Variants in NFIB observed in about 807,000 individuals in gnomAD.
NFIB encodes the protein nuclear factor I B, also known as nuclear factor 1 B-type.
In NFIB, 11 loss-of-function variants were observed where a neutral mutation model predicts 61.5. The observed-to-expected ratio is 0.18, with a 90% confidence interval of 0.11 to 0.30. The LOEUF is 0.30. Ranked by LOEUF, NFIB falls within the 10% of genes least tolerant of loss-of-function variation. The pLI is 1.00. For missense variants in NFIB, 471 were observed against 608.9 expected (o/e 0.77, Z 2.38); for synonymous variants, 260 against 216.5 (o/e 1.20, Z -1.76).
At chr9:14,526,711 C>T in the NFIB span, among the ~76,000 whole-genome samples, 1 of 152,164 alleles carries the variant, frequency 6.6e-6, no homozygotes, top group Non-Finnish European at 1.5e-5. Flanking sequence ...TAGTGATTGA[C>T]ATCATTCAGC....
At chr9:14,460,586 C>T in the NFIB span, among the ~76,000 whole-genome samples, 1 of 152,026 alleles carries the variant, frequency 6.6e-6, no homozygotes, top group Middle Eastern at 3.4e-3. Flanking sequence ...AGAAAAACAC[C>T]CACACACAAA....
chr9:14,210,997 T>C (rs184755553), intron 2 of NFIB, among the ~76,000 whole-genome samples: 50 of 152,352 alleles, frequency 3.3e-4, no homozygotes, highest in Non-Finnish European at 1.8e-4. Context: ...CTTCTCTGTA[T>C]ACATGATCAT....
At chr9:14,229,500 A>C (rs2052854644) in intron 2 of NFIB, among the ~76,000 whole-genome samples, 1 of 152,222 alleles carries the variant, frequency 6.6e-6, no homozygotes, top group African/African-American at 2.4e-5. Context: ...CTGGCTCCTA[A>C]ATATAAACTG....
chr9:14,343,491 A>AT (rs1193485570), intron 1 of NFIB, among the ~76,000 whole-genome samples: 2 of 152,108 alleles, frequency 1.3e-5, no homozygotes, highest in Non-Finnish European at 2.9e-5. Context: ...CAAAGGGTTT[A>AT]TTAAAAAAAA....
chr9:14,443,297 T>C, the NFIB span, among the ~76,000 whole-genome samples: 2 of 152,072 alleles, frequency 1.3e-5, no homozygotes, highest in Admixed American at 6.5e-5. Context: ...TTACTTCCTA[T>C]AGATGGGCTT....
chr9:14,394,186 C>T (rs2061656265), intron 1 of NFIB, among the ~76,000 whole-genome samples: 1 of 152,026 alleles, frequency 6.6e-6, no homozygotes, highest in African/African-American at 2.4e-5. Flanking sequence ...GGAAAAACAG[C>T]CAAATAAATA....
At chr9:14,194,430 A>C (rs1435587083) in intron 2 of NFIB, among the ~76,000 whole-genome samples, 1 of 152,180 alleles carries the variant, frequency 6.6e-6, no homozygotes, top group Non-Finnish European at 1.5e-5. Context: ...TTTTCTCGTA[A>C]TGGCAGGTAG....
intron 2 of NFIB, among the ~76,000 whole-genome samples, chr9:14,279,496 A>T (rs992140084): frequency 1.3e-5 from 2 of 152,190 alleles, no homozygotes; most frequent in Non-Finnish European, 2.9e-5. Context: ...TGCTCCATAG[A>T]GAAGGCAGGT....
At chr9:14,311,325 C>G (rs1247062012) in intron 1 of NFIB, among the ~76,000 whole-genome samples, 1 of 152,048 alleles carries the variant, frequency 6.6e-6, no homozygotes, top group Non-Finnish European at 1.5e-5. Flanking sequence ...TGTTTTTCTA[C>G]AGCTACTAGG....
intron 2 of NFIB, among the ~76,000 whole-genome samples, chr9:14,268,175 T>A (rs1405983340): frequency 6.6e-6 from 1 of 151,590 alleles, no homozygotes; most frequent in Non-Finnish European, 1.5e-5. Flanking sequence ...AAGACAAAGA[T>A]AATATTTTAC....
intron 5 of NFIB, among the ~76,000 whole-genome samples, chr9:14,149,060 AGCAGACAGAATTTAAAAATTACT>A (rs1457041092): frequency 6.6e-6 from 1 of 151,860 alleles, no homozygotes; most frequent in East Asian, 1.9e-4. Flanking sequence ...ACAGTGATTT[AGCAGACAGAATTTAAAAATTACT>A]GCTCACATTT....
chr9:14,230,454 T>C (rs2052984359), intron 2 of NFIB, among the ~76,000 whole-genome samples: 1 of 152,182 alleles, frequency 6.6e-6, no homozygotes, highest in Non-Finnish European at 1.5e-5. Flanking sequence ...GAATGGAATG[T>C]CAAGGAAGAC....
At chr9:14,457,322 A>T in the NFIB span, among the ~76,000 whole-genome samples, 10 of 152,292 alleles carry the variant, frequency 6.6e-5, no homozygotes, top group African/African-American at 9.6e-5. Context: ...AATTAAATTT[A>T]AAAAAATGAT....
chr9:14,330,145 C>G (rs2060804203), intron 1 of NFIB, among the ~76,000 whole-genome samples: 1 of 151,962 alleles, frequency 6.6e-6, no homozygotes, highest in East Asian at 1.9e-4. Context: ...AAACAGAAAA[C>G]AAAGAAACAA....
chr9:14,451,075 G>A, the NFIB span, among the ~76,000 whole-genome samples: 2 of 152,222 alleles, frequency 1.3e-5, no homozygotes, highest in Non-Finnish European at 2.9e-5. Context: ...CCTCGGTGAA[G>A]CCTGAATCCA....
chr9:14,482,479 T>C, the NFIB span, among the ~76,000 whole-genome samples: 6 of 152,180 alleles, frequency 3.9e-5, no homozygotes, highest in Non-Finnish European at 7.3e-5. Flanking sequence ...CTTAGGAAGA[T>C]GAATCAGGAG....
intron 9 of NFIB, among the ~76,000 whole-genome samples, chr9:14,115,457 T>C (rs745835611): frequency 7.2e-5 from 11 of 152,206 alleles, no homozygotes; most frequent in Non-Finnish European, 1.0e-4. Flanking sequence ...TAATTTCTTC[T>C]ATACTTCTAA....
chr9:14,113,167 T>A, intron 9 of NFIB, 86 bp from the exon 10 acceptor site: 1 of 1,235,718 alleles, frequency 8.1e-7, no homozygotes, highest in Non-Finnish European at 1.1e-6. Context: ...CCCAGAGAAG[T>A]GGGATTTGCA....
intron 6 of NFIB, among the ~76,000 whole-genome samples, chr9:14,138,204 T>C (rs529989179): frequency 5.3e-5 from 8 of 152,218 alleles, no homozygotes; most frequent in African/African-American, 1.9e-4. Context: ...AGATATAAAC[T>C]TAGCCAAGCA....
Sources: allele counts gnomAD v4.1 joint callset (sites outside exome capture counted in the v4.1 genomes callset), GRCh38; gene constraint gnomAD v4.1.1; transcripts MANE v1.5; gene names NCBI Gene and HGNC (gene_info 2026-07-23, HGNC 2026-07-21).